The following SYT16 variants were observed in gnomAD, a reference collection of about 807,000 sequenced individuals.
The protein encoded by SYT16 is synaptotagmin 16.
In SYT16, 42 loss-of-function variants were observed where a neutral mutation model predicts 61.4. The ratio of observed to expected loss-of-function variants is 0.68; its 90% confidence interval spans 0.53 to 0.89. SYT16 has a LOEUF of 0.89. SYT16 is among the 40% of genes least tolerant of loss of function. The pLI is 0.00. For missense variants in SYT16, 804 were observed against 807.3 expected, an observed-to-expected ratio of 1.00 and a Z score of 0.05; for synonymous variants, 314 against 302.3, an observed-to-expected ratio of 1.04 and a Z score of -0.40.
chr14:61,932,585 C>T (rs1454363546), intron 1 of SYT16, among the ~76,000 whole-genome samples: 4 of 152,162 alleles, frequency 2.6e-5, no homozygotes, highest in Non-Finnish European at 5.9e-5. Flanking sequence ...CCTCCATGAT[C>T]AAATCACTTC....
intron 1 of SYT16, among the ~76,000 whole-genome samples, chr14:61,957,982 TG>T: frequency 6.6e-6 from 1 of 152,084 alleles, no homozygotes. Context: ...AATTTGTCAT[TG>T]GTTTGTTCAG....
At chr14:61,834,529 C>T (rs1423359766) in intron 1 of SYT16, among the ~76,000 whole-genome samples, 1 of 143,780 alleles carries the variant, frequency 7.0e-6, no homozygotes, top group Non-Finnish European at 1.5e-5. Flanking sequence ...CCTCTGCCTC[C>T]CGGGTTTAAG....
At chr14:61,875,314 G>C (rs755227036) in intron 1 of SYT16, among the ~76,000 whole-genome samples, 3 of 152,112 alleles carry the variant, frequency 2.0e-5, no homozygotes, top group Non-Finnish European at 4.4e-5. Context: ...TTCTATGTTT[G>C]GTTACATTCC....
chr14:61,832,271 A>C (rs2045963115), intron 1 of SYT16: 1 of 596,882 alleles, frequency 1.7e-6, no homozygotes, highest in African/African-American at 1.8e-5. Context: ...CTGGGAGCGC[A>C]TAGTCATCGC....
At position 62,060,556 on chromosome 14, in the gene SYT16, T is replaced by A. The variant is rs2055782207; in HGVS notation, c.524-9047T>A. On this transcript the variant is annotated intron_variant, in intron 3 of 7. Coordinates refer to ENST00000683842, the MANE Select transcript of SYT16 (RefSeq NM_001367656.1). ...AATTGACAATAAATTCTGTCAGCAT[T>A]GTTTTCTGTATGTGTTGAGATGATT... Among the ~76,000 whole-genome samples, 4 of 151,950 alleles carry A rather than the reference T, an allele frequency of 2.6e-5. No homozygotes were observed. The South Asian group carries it at 8.3e-4, about 32-fold the overall frequency.
At chr14:61,954,968 A>G (rs2140485720) in intron 1 of SYT16, among the ~76,000 whole-genome samples, 1 of 152,216 alleles carries the variant, frequency 6.6e-6, no homozygotes, top group East Asian at 1.9e-4. Flanking sequence ...TTGAATTTAA[A>G]ACTTTTTTTG....
intron 1 of SYT16, among the ~76,000 whole-genome samples, chr14:61,815,411 AC>A (rs1385908538): frequency 2.6e-5 from 4 of 152,002 alleles, no homozygotes; most frequent in Non-Finnish European, 4.4e-5. Context: ...TTTCTCCCCC[AC>A]AAAATTTCCC....
At chr14:62,096,896 T>C (rs1316488460) in intron 7 of SYT16, among the ~76,000 whole-genome samples, 2 of 152,152 alleles carry the variant, frequency 1.3e-5, no homozygotes, top group African/African-American at 4.8e-5. Flanking sequence ...ATTTTTTTAT[T>C]TTCATATATG....
chr14:62,063,704 GA>G (rs1199485597), intron 3 of SYT16, among the ~76,000 whole-genome samples: 1 of 150,910 alleles, frequency 6.6e-6, no homozygotes, highest in South Asian at 2.1e-4. Flanking sequence ...CCTTCAACTA[GA>G]AAAAAAATGA....
At chr14:61,968,073 G>A (rs2051388618) in intron 1 of SYT16, among the ~76,000 whole-genome samples, 1 of 152,088 alleles carries the variant, frequency 6.6e-6, no homozygotes, top group Admixed American at 6.5e-5. Context: ...CCAGCCTGGG[G>A]AATATACCGA....
chr14:61,856,675 G>T lies in SYT16; in HGVS notation c.-325+43865G>T, dbSNP rs147551796. 4.5e-3 allele frequency among the ~76,000 whole-genome samples: 686 copies of T among 152,234 alleles called. 3 individuals carry two copies. The highest frequency in any genetic ancestry group is 0.016 in the African/African-American group (645 of 41,524). On this transcript the variant is annotated intron_variant, in intron 1 of 7. Coordinates refer to ENST00000683842, the MANE Select transcript of SYT16 (RefSeq NM_001367656.1). ...GAGATGTCTATTAAACATCCTATTG[G>T]AGATATTGAATAAGCAGTTAGGTGT...
At chr14:62,010,774 G>A (rs2053415714) in intron 3 of SYT16, among the ~76,000 whole-genome samples, 1 of 152,014 alleles carries the variant, frequency 6.6e-6, no homozygotes, top group South Asian at 2.1e-4. Context: ...GAAACATCAA[G>A]CAGTATCTTC....
At chr14:61,900,317 C>G (rs2048468918) in intron 1 of SYT16, among the ~76,000 whole-genome samples, 1 of 152,110 alleles carries the variant, frequency 6.6e-6, no homozygotes, top group Admixed American at 6.6e-5. Flanking sequence ...TCCACCACGC[C>G]CAGCTAATTT....
chr14:61,944,655 A>T (rs1338075646), intron 1 of SYT16, among the ~76,000 whole-genome samples: 7 of 152,172 alleles, frequency 4.6e-5, no homozygotes, highest in Non-Finnish European at 8.8e-5. Context: ...CCCTATTTAA[A>T]AAACAGTGTT....
At chr14:61,979,202 CTTA>C (rs1201767315) in intron 2 of SYT16, among the ~76,000 whole-genome samples, 1 of 151,870 alleles carries the variant, frequency 6.6e-6, no homozygotes, top group Non-Finnish European at 1.5e-5. Context: ...TAGGAGTGGT[CTTA>C]TTATTATTAT....
At chr14:62,068,073 A>G (rs1426954049) in intron 3 of SYT16, among the ~76,000 whole-genome samples, 2 of 152,204 alleles carry the variant, frequency 1.3e-5, no homozygotes, top group Admixed American at 1.3e-4. Flanking sequence ...TGAAATCACC[A>G]CCTCATAAAG....
At chr14:61,824,286 T>C (rs1481462014) in intron 1 of SYT16, among the ~76,000 whole-genome samples, 2 of 152,164 alleles carry the variant, frequency 1.3e-5, no homozygotes, top group African/African-American at 4.8e-5. Flanking sequence ...TCTGCAGATA[T>C]TTCCTCAATT....
At chr14:61,921,852 A>C (rs895792357) in intron 1 of SYT16, among the ~76,000 whole-genome samples, 1 of 152,214 alleles carries the variant, frequency 6.6e-6, no homozygotes, top group African/African-American at 2.4e-5. Context: ...AAGAGCCAGT[A>C]ATAGTGCAGT....
At chr14:61,827,794 C>T (rs1288416478) in intron 1 of SYT16, among the ~76,000 whole-genome samples, 1 of 152,174 alleles carries the variant, frequency 6.6e-6, no homozygotes, top group Non-Finnish European at 1.5e-5. Flanking sequence ...CAATATTTCA[C>T]CACTTCAGTG....
Sources: allele counts gnomAD v4.1 joint callset (sites outside exome capture counted in the v4.1 genomes callset), GRCh38; gene constraint gnomAD v4.1.1; transcripts MANE v1.5; gene names NCBI Gene and HGNC (gene_info 2026-07-23, HGNC 2026-07-21).